Variants in STAB2 observed in about 807,000 individuals in gnomAD.
STAB2 encodes the protein stabilin-2.
A neutral mutation model predicts 338.1 loss-of-function variants in STAB2; 288 were observed. That is an observed-to-expected ratio of 0.85 (90% confidence interval 0.77 to 0.94). The LOEUF is 0.94. Among genes scored for constraint, STAB2 ranks in the 40% least tolerant of loss-of-function variants. The probability of loss-of-function intolerance (pLI) is 0.00; values close to 1 mark genes in which losing one functional copy is unlikely to be tolerated. For synonymous variants in STAB2, 1,202 were observed against 1,193.3 expected (o/e 1.01, Z -0.15); for missense variants, 3,141 against 3,210.1 (o/e 0.98, Z 0.52).
chr12:103,690,458 G>C lies in STAB2; in HGVS notation c.3217G>C (p.Asp1073His), dbSNP rs1324105177. ...GCTACTAGGCACATACAGAGTGGCA[G>C]ATCTGCAGACCCTGTCTTCTTCTGA... ...HMLLGTYRVA[D>H]LQTLSSSDML... is the part of the protein sequence containing the mutation. Residue 1073 changes from aspartate (D) to histidine (H), a missense_variant, in exon 30 of 69, where the codon GAT (aspartate) becomes CAT (histidine). Physicochemically the swap from Asp to His is moderately conservative, Grantham distance 81. Transcript: ENST00000388887. 5.0e-6 allele frequency: 8 copies of C among 1,614,006 alleles called. No individual in the cohort carries two copies. Among genetic ancestry groups the C allele is most frequent in the Non-Finnish European group, 6.8e-6 (8 of 1,179,974 alleles).
chr12:103,668,662 G>A lies in STAB2; in HGVS notation c.2105G>A (p.Cys702Tyr). The change falls in exon 20 of 69, where the codon TGT becomes TAT. Residue 702 changes from cysteine to tyrosine, a missense_variant. Physicochemically the swap from Cys to Tyr is radical, Grantham distance 194. Coordinates refer to ENST00000388887, the MANE Select transcript of STAB2 (RefSeq NM_017564.10). ...CTCCAGGCACTCTTCACACACAGAT[G>A]TGTCTACAGTGGCAGGTTTGGGAGC... ...SEPTALFTHR[C>Y]VYSGRFGSLK... is the part of the protein sequence containing the mutation. 1.3e-6 allele frequency: 2 copies of A among 1,552,076 alleles called. No homozygotes were observed. Among genetic ancestry groups the A allele is most frequent in the South Asian group, 1.2e-5 (1 of 84,094 alleles).
intron 68 of STAB2, among the ~76,000 whole-genome samples, chr12:103,765,120 G>C (rs572766617): frequency 1.3e-5 from 2 of 148,256 alleles, no homozygotes; most frequent in South Asian, 2.1e-4. Context: ...AAGGGAGGTG[G>C]TAAGTTCAGC....
chr12:103,759,301 G>GGAGATTATCT, intron 65 of STAB2, 28 bp downstream of exon 65: 3 of 1,608,958 alleles, frequency 1.9e-6, no homozygotes, highest in Non-Finnish European at 2.5e-6. Flanking sequence ...CTTCTTGGGG[G>GGAGATTATCT]AACGGGAGAT....
rs1428199167 is a variant in STAB2 at position 103,733,138 on chromosome 12, A to G, written c.5416A>G (p.Lys1806Glu). 3.7e-6 allele frequency: 6 copies of G among 1,614,162 alleles called. No individual in the cohort carries two copies. Among genetic ancestry groups the G allele is most frequent in the Non-Finnish European group, 5.1e-6 (6 of 1,180,012 alleles). ...CCTGTTCAACCAAGACAACAAGGAC[A>G]AGCTGAAGGAGTATTTGAAGTTTCA... ...DFLFNQDNKD[K>E]LKEYLKFHVI... is the part of the protein sequence containing the mutation. Residue 1806 changes from lysine to glutamate, a missense_variant, in exon 51 of 69, where the codon AAG (lysine) becomes GAG (glutamate). Transcript: ENST00000388887.
At chr12:103,620,654 CGTGCACACACACAT>C in intron 4 of STAB2, 101 bp downstream of exon 4, 3 of 929,392 alleles carry the variant, frequency 3.2e-6, no homozygotes, top group African/African-American at 1.7e-5. Context: ...CACACACACA[CGTGCACACACACAT>C]ATACAGCGAA....
Position 103,738,744 on chromosome 12 carries a change from C to T in STAB2, c.5698-668C>T, listed in dbSNP as rs566707723. ...CCCTATTTATTATAAAACTAAGGCT[C>T]AAATAGTATTTGTGATTGGCCAAAA... On this transcript the variant is annotated intron_variant, in intron 53 of 68. Transcript: ENST00000388887. Among the ~76,000 whole-genome samples, 344 of 152,238 alleles carry T rather than the reference C, an allele frequency of 2.3e-3. 3 individuals are homozygous for T. The highest frequency in any genetic ancestry group is 2.8e-3 in the Non-Finnish European group (193 of 68,016).
chr12:103,734,693 C>T (rs1881965256), intron 51 of STAB2, among the ~76,000 whole-genome samples: 1 of 152,192 alleles, frequency 6.6e-6, no homozygotes, highest in Non-Finnish European at 1.5e-5. Context: ...CCCAGGGCTG[C>T]CATCACAAAT....
intron 3 of STAB2, among the ~76,000 whole-genome samples, chr12:103,601,482 C>G (rs1956953283): frequency 6.6e-6 from 1 of 152,186 alleles, no homozygotes; most frequent in Admixed American, 6.5e-5. Flanking sequence ...ATCCAAGCTA[C>G]TCGGGAGGCT....
intron 65 of STAB2, 23 bp downstream of exon 65, chr12:103,759,296 T>G: frequency 1.2e-6 from 2 of 1,610,704 alleles, no homozygotes; most frequent in Non-Finnish European, 1.7e-6. Context: ...CTGGGCTTCT[T>G]GGGGGAACGG....
In STAB2 at chr12:103,748,605, TACAC is replaced by T. The variant is rs71097994; in HGVS notation, c.6245-307_6245-304del. ...TACACCACACACACACACACACACA[TACAC>T]ACACACACACACACACACACACACA... On this transcript the variant is annotated intron_variant, in intron 58 of 68. Transcript: ENST00000388887. 5.0e-3 allele frequency among the ~76,000 whole-genome samples: 715 copies of T among 141,658 alleles called. 2 individuals carry two copies. The highest frequency in any genetic ancestry group is 7.0e-3 in the Middle Eastern group (2 of 286). The allele number at this position is 141,658 out of a possible 152,430, so 92.9% of individuals were successfully genotyped here.
intron 39 of STAB2, among the ~76,000 whole-genome samples, chr12:103,711,084 A>G (rs2139000431): frequency 6.6e-6 from 1 of 152,382 alleles, no homozygotes; most frequent in South Asian, 2.1e-4. Flanking sequence ...GAATAAAGTT[A>G]GGAATAAACT....
chr12:103,618,527 A>C (rs1266173767), intron 3 of STAB2, among the ~76,000 whole-genome samples: 1 of 152,196 alleles, frequency 6.6e-6, no homozygotes, highest in Non-Finnish European at 1.5e-5. Context: ...TTCACATGCC[A>C]CAGGGAAGAT....
At chr12:103,677,681 A>G in intron 25 of STAB2, 70 bp downstream of exon 25, 1 of 1,542,228 alleles carries the variant, frequency 6.5e-7, no homozygotes, top group Non-Finnish European at 8.8e-7. Context: ...CCCTCAGGAC[A>G]CAGAAGTACT....
intron 6 of STAB2, among the ~76,000 whole-genome samples, chr12:103,635,225 T>TG (rs1957525393): frequency 6.6e-6 from 1 of 152,232 alleles, no homozygotes; most frequent in Admixed American, 6.5e-5. Context: ...GCATGCTCAC[T>TG]GCCAGTGCCT....
rs140998727 is a variant in STAB2 at position 103,725,078 on chromosome 12, G to A, written c.4787G>A (p.Arg1596His). 3.2e-5 allele frequency: 51 copies of A among 1,612,982 alleles called. No individual in the cohort carries two copies. Among genetic ancestry groups the A allele is most frequent in the East Asian group, 2.5e-4 (11 of 44,870 alleles). Residue 1596 changes from arginine (R) to histidine (H), a missense_variant, in exon 45 of 69, where the codon CGC becomes CAC. Transcript: ENST00000388887. ...TACATTGGAGATGGATTTACCTGCC[G>A]CGGCAGCATTTATCAGGTAACGCGA... The part of the protein sequence containing the change: ...PNYIGDGFTC[R>H]GSIYQELPKN...
At chr12:103,650,283 C>T (rs1195292177) in intron 10 of STAB2, among the ~76,000 whole-genome samples, 8 of 152,210 alleles carry the variant, frequency 5.3e-5, no homozygotes, top group East Asian at 1.9e-4. Context: ...AAAACTCTCA[C>T]GGCATTATGT....
chr12:103,587,360 G>A lies in STAB2; in HGVS notation c.-117G>A, dbSNP rs1956725673. The A allele has an allele frequency of 4.7e-6, 4 of 848,368 alleles. No homozygotes were observed. Among genetic ancestry groups the A allele is most frequent in the Non-Finnish European group, 7.4e-6 (4 of 537,210 alleles). The allele number at this position is 848,368 out of a possible 1,614,324, so 52.6% of individuals were successfully genotyped here. ...CGATCTAGGAAAAAGGAAAGGAAGGGATTTAAAAGTAAACAGTGAAATGAG... is the reference window on the plus strand; with the variant it reads ...CGATCTAGGAAAAAGGAAAGGAAGGAATTTAAAAGTAAACAGTGAAATGAG... On this transcript the variant is annotated 5_prime_UTR_variant, in exon 1 of 69. Transcript: ENST00000388887.
At position 103,705,535 on chromosome 12, in the gene STAB2, T is replaced by C. The variant is rs1177109293; in HGVS notation, c.3901-97T>C. On this transcript the variant is annotated intron_variant, in intron 36 of 68. Coordinates refer to ENST00000388887, the MANE Select transcript of STAB2 (RefSeq NM_017564.10). ...ACCTTCTCTTCCCACAACACTTTAGTCAGAGAGACAGCAATGCATCACCCA... is the reference window on the plus strand; with the variant it reads ...ACCTTCTCTTCCCACAACACTTTAGCCAGAGAGACAGCAATGCATCACCCA... 7 of 940,176 alleles carry C rather than the reference T, an allele frequency of 7.4e-6. No individual in the cohort carries two copies. In the East Asian group the frequency reaches 1.6e-4, roughly 21 times the overall value. The allele number at this position is 940,176 out of a possible 1,614,324, so 58.2% of individuals were successfully genotyped here. A position where few individuals can be genotyped will look rare whatever the true frequency, so the allele number is the denominator to read the frequency against.
At position 103,695,831 on chromosome 12, in the gene STAB2, A is replaced by C; in HGVS notation, c.3569A>C (p.Lys1190Thr). Reference protein sequence around the residue: ...NAIENYIREKKVLSLEEDVLR... With the variant: ...NAIENYIREKTVLSLEEDVLR... Reference sequence around the variant, plus strand: ...ATCGAGAATTACATCAGGGAGAAGAAAGTCTTGTCTCTAGTAAGTGTCAAG... The same window carrying C: ...ATCGAGAATTACATCAGGGAGAAGACAGTCTTGTCTCTAGTAAGTGTCAAG... The change falls in exon 33 of 69, where the codon AAA (lysine) becomes ACA (threonine). Residue 1190 changes from lysine to threonine, a missense_variant. Lys to Thr is a moderately conservative substitution (Grantham distance 78). Transcript: ENST00000388887. 1 of 1,614,166 alleles carries C rather than the reference A, an allele frequency of 6.2e-7. No individual in the cohort carries two copies. Among genetic ancestry groups the C allele is most frequent in the Non-Finnish European group, 8.5e-7 (1 of 1,179,998 alleles).
Sources: gnomAD v4.1 joint callset for allele counts (sites outside exome capture counted in the v4.1 genomes callset) on GRCh38, gnomAD v4.1.1 for gene constraint, MANE v1.5 for transcripts, NCBI Gene and HGNC (gene_info 2026-07-23, HGNC 2026-07-21) for gene names.